Variants in COBL observed in about 807,000 individuals in gnomAD.
COBL encodes the protein protein cordon-bleu.
A neutral mutation model predicts 98.8 loss-of-function variants in COBL; 51 were observed. That is an observed-to-expected ratio of 0.52 (90% CI 0.41 to 0.65). COBL has a LOEUF of 0.65. Among genes scored for constraint, COBL ranks in the 30% least tolerant of loss-of-function variants. COBL has a pLI of 0.00. For missense variants in COBL, 1,617 were observed against 1,617.5 expected, an observed-to-expected ratio of 1.00 and a Z score of 0.01; for synonymous variants, 634 against 651.7, an observed-to-expected ratio of 0.97 and a Z score of 0.41.
intron 1 of COBL, among the ~76,000 whole-genome samples, chr7:51,231,236 C>T (rs1794716314): frequency 6.6e-6 from 1 of 152,212 alleles, no homozygotes. Context: ...GAATCAAACC[C>T]TTCTGTTCTT....
At chr7:51,225,328 T>C (rs1463921768) in intron 1 of COBL, among the ~76,000 whole-genome samples, 2 of 152,218 alleles carry the variant, frequency 1.3e-5, no homozygotes, top group East Asian at 1.9e-4. Flanking sequence ...GAGACTCAGA[T>C]GCATGTGGCA....
chr7:51,247,424 G>C (rs1015862314), intron 1 of COBL, among the ~76,000 whole-genome samples: 4 of 152,180 alleles, frequency 2.6e-5, no homozygotes, highest in African/African-American at 9.7e-5. Context: ...AGATTCCCTG[G>C]AAGTGTTGAA....
chr7:51,125,514 A>G (rs1282841397), intron 6 of COBL, among the ~76,000 whole-genome samples: 1 of 152,198 alleles, frequency 6.6e-6, no homozygotes, highest in African/African-American at 2.4e-5. Flanking sequence ...GCTTGTAAAA[A>G]TTCAAACTAT....
At chr7:51,054,355 C>CAA (rs1051005405) in intron 7 of COBL, among the ~76,000 whole-genome samples, 27 of 152,100 alleles carry the variant, frequency 1.8e-4, no homozygotes, top group African/African-American at 6.3e-4. Context: ...GAGATTTCCA[C>CAA]TGGGTTGGCC....
At chr7:51,062,275 C>T (rs1791455835) in intron 7 of COBL, among the ~76,000 whole-genome samples, 1 of 151,846 alleles carries the variant, frequency 6.6e-6, no homozygotes, top group African/African-American at 2.4e-5. Flanking sequence ...ATGTCTCTCT[C>T]TCTCTCTCTC....
At chr7:51,177,689 C>T (rs1241595444) in intron 5 of COBL, among the ~76,000 whole-genome samples, 17 of 151,858 alleles carry the variant, frequency 1.1e-4, no homozygotes, top group Non-Finnish European at 8.8e-5. Context: ...AGGAGAATCA[C>T]TTGAACCCAG....
chr7:51,224,924 G>A (rs1431510847), intron 1 of COBL, among the ~76,000 whole-genome samples: 1 of 152,178 alleles, frequency 6.6e-6, no homozygotes, highest in African/African-American at 2.4e-5. Context: ...TGGGTGACCT[G>A]TGCGTGTGGG....
chr7:51,190,912 T>C lies in COBL; in HGVS notation c.623A>G (p.Glu208Gly), dbSNP rs778826897. 3.7e-6 allele frequency: 6 copies of C among 1,614,012 alleles called. No individual in the cohort carries two copies. The highest frequency in any genetic ancestry group is 5.1e-6 in the Non-Finnish European group (6 of 1,180,038). Residue 208 changes from glutamate to glycine, a missense_variant, in exon 4 of 13, where the codon GAG becomes GGG. This residue lies in a region of COBL where 75 missense variants were observed against 120.5 expected (regional missense o/e 0.62). Transcript: ENST00000265136. The stretch of plus-strand genomic sequence containing the variant: ...GAGCTCGTTCAGGGACTTGGACAGC[T>C]CCAGCTCCTCTCCGGCAATGTTGTC... ...LRDNIAGEELELSKSLNELGI... is the reference protein window; with the variant it reads ...LRDNIAGEELGLSKSLNELGI...
intron 6 of COBL, among the ~76,000 whole-genome samples, chr7:51,124,899 C>A (rs1307168705): frequency 6.6e-6 from 1 of 152,174 alleles, no homozygotes; most frequent in African/African-American, 2.4e-5. Flanking sequence ...CAGCTCATTG[C>A]AACCTCTGTT....
rs1383477117 is a variant in COBL at position 51,016,435 on chromosome 7, A to C, written c.*1116T>G. On this transcript the variant is annotated 3_prime_UTR_variant, in exon 13 of 13. Transcript: ENST00000265136. Reference sequence around the variant, plus strand: ...CAGATACACATTTTATTTCATCAACACATCTTGATTTCTATTACTTTTTTC... The same window carrying C: ...CAGATACACATTTTATTTCATCAACCCATCTTGATTTCTATTACTTTTTTC... The C allele has an allele frequency of 2.0e-5, 3 of 152,366 alleles. No homozygotes were observed. The highest frequency in any genetic ancestry group is 4.4e-5 in the Non-Finnish European group (3 of 68,176). 9.4% of individuals were successfully genotyped at this position (152,366 alleles called of 1,614,324 possible). A position where few individuals can be genotyped will look rare whatever the true frequency, so the allele number is the denominator to read the frequency against.
intron 1 of COBL, among the ~76,000 whole-genome samples, chr7:51,242,863 C>A (rs1002798497): frequency 2.0e-5 from 3 of 152,290 alleles, no homozygotes; most frequent in African/African-American, 7.2e-5. Flanking sequence ...CACCTCCGCA[C>A]AGCTGGTTCA....
intron 5 of COBL, chr7:51,156,260 T>C: frequency 1.0e-6 from 1 of 985,176 alleles, no homozygotes; most frequent in Non-Finnish European, 1.2e-6. Context: ...TACCCTTTTA[T>C]TTTTCTTGTT....
At chr7:51,185,049 TC>T (rs1789363271) in intron 4 of COBL, among the ~76,000 whole-genome samples, 1 of 152,198 alleles carries the variant, frequency 6.6e-6, no homozygotes, top group Non-Finnish European at 1.5e-5. Context: ...TCTTTCTTTT[TC>T]CTGAAGCTCT....
At chr7:51,099,991 TC>T (rs1795672888) in intron 6 of COBL, among the ~76,000 whole-genome samples, 1 of 152,204 alleles carries the variant, frequency 6.6e-6, no homozygotes, top group South Asian at 2.1e-4. Context: ...ACCTGAGTAT[TC>T]AAGAGTTCTT....
intron 1 of COBL, among the ~76,000 whole-genome samples, chr7:51,299,900 C>T (rs1367027614): frequency 1.3e-5 from 2 of 152,152 alleles, no homozygotes; most frequent in Non-Finnish European, 2.9e-5. Context: ...ACTTAAATAT[C>T]GCAACAACAT....
At chr7:51,264,882 T>C (rs1301362888) in intron 1 of COBL, among the ~76,000 whole-genome samples, 2 of 152,126 alleles carry the variant, frequency 1.3e-5, no homozygotes, top group Non-Finnish European at 2.9e-5. Flanking sequence ...TGAAATCAGA[T>C]TTCATATCCA....
At chr7:51,170,518 TATATATATATATAA>T (rs1787753493) in intron 5 of COBL, among the ~76,000 whole-genome samples, 2 of 146,912 alleles carry the variant, frequency 1.4e-5, no homozygotes, top group Admixed American at 1.4e-4. Flanking sequence ...TATATATATA[TATATATATATATAA>T]ATATATATCA....
chr7:51,160,723 C>T (rs1013004689), intron 5 of COBL, among the ~76,000 whole-genome samples: 1 of 152,206 alleles, frequency 6.6e-6, no homozygotes, highest in Non-Finnish European at 1.5e-5. Context: ...CAAACAAAAA[C>T]AAAAGCCACG....
intron 5 of COBL, chr7:51,172,546 C>T: frequency 7.8e-7 from 1 of 1,279,150 alleles, no homozygotes; most frequent in South Asian, 1.3e-5. Context: ...ACACAAGCAC[C>T]AGGCCACATC....
Sources: gnomAD v4.1 joint callset for allele counts (sites outside exome capture counted in the v4.1 genomes callset) on GRCh38, gnomAD v4.1.1 for gene constraint, gnomAD v4.1.1 regional missense constraint, MANE v1.5 for transcripts, NCBI Gene and HGNC (gene_info 2026-07-23, HGNC 2026-07-21) for gene names.